Variants in SPECC1 observed in about 807,000 individuals in gnomAD.
SPECC1 encodes the protein sperm antigen with calponin homology and coiled-coil domains 1, also known as cytospin-B.
A neutral mutation model predicts 104.1 loss-of-function variants in SPECC1; 62 were observed. The observed-to-expected ratio is 0.60, with a 90% CI of 0.49 to 0.74. SPECC1 has a LOEUF of 0.74. SPECC1 is among the 30% of genes least tolerant of loss of function. The pLI, the probability that SPECC1 is intolerant of heterozygous loss-of-function variation, is 0.00. For missense variants in SPECC1, 1,306 were observed against 1,310.5 expected (o/e 1.00, Z 0.05); for synonymous variants, 513 against 501.6 (o/e 1.02, Z -0.30).
rs2039979721 is a variant in SPECC1, at chr17:20,260,284, A to G, written c.2930A>G (p.Gln977Arg). The G allele has an allele frequency of 3.1e-6, 5 of 1,613,758 alleles. No homozygotes were observed. In the East Asian group the frequency reaches 1.1e-4, roughly 36 times the overall value. ...CTGAAATGGTGCCAGAAGAAGACAC[A>G]AGGTTATGCGGTAAGGGACAACATC... ...ALLKWCQKKT[Q>R]GYANIDITNF... Residue 977 changes from glutamine (Q) to arginine (R), a missense_variant, in exon 12 of 15, where the codon CAA (glutamine) becomes CGA (arginine). This residue lies in a region of SPECC1 where 129 missense variants were observed against 170.6 expected (regional missense o/e 0.76). Transcript: ENST00000395527.
chr17:20,293,104 A>T lies in SPECC1; in HGVS notation c.2941-3857A>T, dbSNP rs546727764. Among the ~76,000 whole-genome samples the T allele has an allele frequency of 3.3e-5, 5 of 152,278 alleles. No individual in the cohort carries two copies. In the East Asian group the frequency reaches 9.7e-4, roughly 29 times the overall value. ...ATGTGACACCATCTCTTTTGACCTC[A>T]GTTTCAAATGAGATATTTGACCAAC... On this transcript the variant is annotated intron_variant, in intron 12 of 14. Coordinates refer to ENST00000395527, the MANE Select transcript of SPECC1 (RefSeq NM_001243439.2).
At chr17:20,286,847 G>A (rs1952094812) in intron 12 of SPECC1, among the ~76,000 whole-genome samples, 1 of 152,198 alleles carries the variant, frequency 6.6e-6, no homozygotes, top group African/African-American at 2.4e-5. Flanking sequence ...GCCCCCAAGA[G>A]ACTGGTGAAT....
At chr17:20,287,096 G>C (rs750735159) in intron 12 of SPECC1, among the ~76,000 whole-genome samples, 1 of 152,214 alleles carries the variant, frequency 6.6e-6, no homozygotes, top group Non-Finnish European at 1.5e-5. Flanking sequence ...GCCTCTGTAC[G>C]TGGTCTGCAA....
Position 20,110,545 on chromosome 17 carries a change from G to A in SPECC1, c.266G>A (p.Arg89His), listed in dbSNP as rs200914041. 6.6e-5 allele frequency: 107 copies of A among 1,613,168 alleles called. No individual in the cohort carries two copies. The Middle Eastern group carries it at 1.7e-3, about 26-fold the overall frequency. The change falls in exon 3 of 15, where the codon CGC becomes CAC. Residue 89 changes from arginine (R) to histidine (H), a missense_variant. Physicochemically the swap from Arg to His is conservative, Grantham distance 29. This residue lies in a region of SPECC1 where 1,177 missense variants were observed against 1,139.9 expected (regional missense o/e 1.03). Coordinates refer to ENST00000395527, the MANE Select transcript of SPECC1 (RefSeq NM_001243439.2). ...GCCATCTCGGAGCTCACGGAGAGCC[G>A]CCTGAGGAGCGGCACAGGTAGGAGG... ...AGAISELTES[R>H]LRSGTGAFTT... is the part of the protein sequence containing the mutation.
chr17:20,253,526 G>A lies in SPECC1; in HGVS notation c.2620G>A (p.Val874Met), dbSNP rs753855335. Residue 874 changes from valine (V) to methionine (M), a missense_variant, in exon 10 of 15, where the codon GTG (valine) becomes ATG (methionine). Around this residue, in one of 2 missense-constraint regions of SPECC1, gnomAD observed 1,177 missense variants for 1,139.9 expected, o/e 1.03. Coordinates refer to ENST00000395527, the MANE Select transcript of SPECC1 (RefSeq NM_001243439.2). Reference sequence around the variant, plus strand: ...ACAGAGGCATTCGACTTACAGCAGTGTGCGGCCAGCCAGCAGAGGGGTGAC... The same window carrying A: ...ACAGAGGCATTCGACTTACAGCAGTATGCGGCCAGCCAGCAGAGGGGTGAC... ...PMQRHSTYSS[V>M]RPASRGVTQR... 3.1e-6 allele frequency: 5 copies of A among 1,613,910 alleles called. No homozygotes were observed. The highest frequency in any genetic ancestry group is 3.4e-6 in the Non-Finnish European group (4 of 1,180,038).
chr17:20,130,882 A>G (rs2049583469), intron 3 of SPECC1, among the ~76,000 whole-genome samples: 1 of 152,132 alleles, frequency 6.6e-6, no homozygotes, highest in Non-Finnish European at 1.5e-5. Context: ...ATTTATTTAG[A>G]TCTTTGATTT....
At chr17:20,040,626 C>T (rs1202332102) in intron 1 of SPECC1, among the ~76,000 whole-genome samples, 1 of 152,190 alleles carries the variant, frequency 6.6e-6, no homozygotes, top group Non-Finnish European at 1.5e-5. Context: ...TCTTTTCTTT[C>T]AGCACTTGAA....
At position 20,291,688 on chromosome 17, in the gene SPECC1, G is replaced by T. The variant is rs150234792; in HGVS notation, c.2941-5273G>T. Among the ~76,000 whole-genome samples the T allele has an allele frequency of 1.1e-3, 164 of 152,134 alleles. 1 individual carries two copies. In the East Asian group the frequency reaches 0.022, roughly 20 times the overall value. On this transcript the variant is annotated intron_variant, in intron 12 of 14. Transcript: ENST00000395527. ...GCCTCCCAAGTAGCTGGAACTACAG[G>T]CATGTGCCACCACACCCAGCTAATT...
At chr17:20,228,795 A>G (rs903233901) in intron 5 of SPECC1, among the ~76,000 whole-genome samples, 2 of 152,226 alleles carry the variant, frequency 1.3e-5, no homozygotes, top group Non-Finnish European at 2.9e-5. Flanking sequence ...GAGATTAAAC[A>G]TTACCTTCTT....
At chr17:20,292,760 A>G (rs1270777232) in intron 12 of SPECC1, among the ~76,000 whole-genome samples, 2 of 152,304 alleles carry the variant, frequency 1.3e-5, no homozygotes, top group African/African-American at 2.4e-5. Flanking sequence ...CCTCCCAACA[A>G]AAGGCATCCT....
At chr17:20,215,128 G>C (rs553310459) in intron 4 of SPECC1, among the ~76,000 whole-genome samples, 1 of 152,342 alleles carries the variant, frequency 6.6e-6, no homozygotes, top group South Asian at 2.1e-4. Flanking sequence ...CTCCAAGGCC[G>C]GGGCCTCGTG....
chr17:20,219,306 C>T (rs2037711787), intron 4 of SPECC1, among the ~76,000 whole-genome samples: 1 of 152,138 alleles, frequency 6.6e-6, no homozygotes, highest in Non-Finnish European at 1.5e-5. Flanking sequence ...GCATCTTCCC[C>T]AGCATTTGTC....
intron 1 of SPECC1, among the ~76,000 whole-genome samples, chr17:20,037,070 T>C (rs2045117388): frequency 6.6e-6 from 1 of 152,208 alleles, no homozygotes; most frequent in South Asian, 2.1e-4. Flanking sequence ...GATGTGATTA[T>C]GTAGTTTTCC....
chr17:20,060,866 G>A (rs73984563), intron 1 of SPECC1, among the ~76,000 whole-genome samples: 2,184 of 152,264 alleles, frequency 0.014, 43 homozygotes, highest in African/African-American at 0.049. Flanking sequence ...ACATAAACAC[G>A]TACATAAACA....
At chr17:20,292,237 C>T (rs1379963079) in intron 12 of SPECC1, among the ~76,000 whole-genome samples, 1 of 152,174 alleles carries the variant, frequency 6.6e-6, no homozygotes, top group South Asian at 2.1e-4. Flanking sequence ...TCCTTGTTTT[C>T]ACCTTCCCAG....
Position 20,314,132 on chromosome 17 carries a change from T to C in SPECC1, c.*67T>C. On this transcript the variant is annotated 3_prime_UTR_variant, in exon 15 of 15. Coordinates refer to ENST00000395527, the MANE Select transcript of SPECC1 (RefSeq NM_001243439.2). ...GCTTTTCCTGGAAGCGCCTGATTACTGTCCACTGACCCTGCTCTGCCCACC... is the reference window on the plus strand; with the variant it reads ...GCTTTTCCTGGAAGCGCCTGATTACCGTCCACTGACCCTGCTCTGCCCACC... The C allele has an allele frequency of 1.4e-6, 2 of 1,385,556 alleles. No homozygotes were observed. The highest frequency in any genetic ancestry group is 1.2e-5 in the South Asian group (1 of 82,548). The allele number at this position is 1,385,556 out of a possible 1,614,324, so 85.8% of individuals were successfully genotyped here.
At chr17:20,284,356 G>GA (rs1198441641) in intron 12 of SPECC1, among the ~76,000 whole-genome samples, 1 of 152,250 alleles carries the variant, frequency 6.6e-6, no homozygotes, top group Non-Finnish European at 1.5e-5. Context: ...AGGATGCTGT[G>GA]AAGATAGGGG....
At chr17:20,154,402 T>C (rs576299893) in intron 3 of SPECC1, among the ~76,000 whole-genome samples, 114 of 152,174 alleles carry the variant, frequency 7.5e-4, no homozygotes, top group Non-Finnish European at 1.2e-3. Context: ...GTCTATGCAG[T>C]GTAGGTGTCG....
chr17:20,109,315 G>A (rs2048371608), intron 2 of SPECC1, among the ~76,000 whole-genome samples: 1 of 152,198 alleles, frequency 6.6e-6, no homozygotes. Flanking sequence ...TTTCCTTACT[G>A]TGTGCTCTGG....
Sources: allele counts gnomAD v4.1 joint callset (sites outside exome capture counted in the v4.1 genomes callset), GRCh38; gene constraint gnomAD v4.1.1; regional missense constraint gnomAD v4.1.1; transcripts MANE v1.5; gene names NCBI Gene and HGNC (gene_info 2026-07-23, HGNC 2026-07-21).